ZNF160: variants seen among roughly 807,000 people sequenced by gnomAD.
The protein encoded by ZNF160 is KRAB zinc finger protein KR18.
In ZNF160, 9 loss-of-function variants were observed where a neutral mutation model predicts 13.1. The observed-to-expected ratio is 0.69, with a 90% CI of 0.41 to 1.20. The LOEUF (loss-of-function observed/expected upper bound fraction) is 1.20. Ranked by LOEUF, ZNF160 falls within the 50% of genes most tolerant of loss-of-function variation. The pLI is 0.01. For synonymous variants in ZNF160, 293 were observed against 333.2 expected (o/e 0.88, Z 1.31); for missense variants, 838 against 988.0 (o/e 0.85, Z 2.04).
At chr19:53,075,518 C>T (rs186111969) in intron 3 of ZNF160, 18 of 354,782 alleles carry the variant, frequency 5.1e-5, no homozygotes, top group Non-Finnish European at 7.6e-5. Context: ...TAGACTAAGC[C>T]TCTGTCCTCT....
intron 3 of ZNF160, among the ~76,000 whole-genome samples, chr19:53,082,952 C>A (rs2084689309): frequency 6.6e-6 from 1 of 152,064 alleles, no homozygotes; most frequent in South Asian, 2.1e-4. Context: ...ATTTGCTAGA[C>A]CTCACAGACC....
rs1006369778 is a variant in ZNF160, at chr19:53,069,850, T to C, written c.684A>G (p.Gln228=). ...SPLQQIPSSV[Q]THRSKKYHEL... ...CATGATATTTTTTAGACCTGTGGGT[T>C]TGGACACTAGAAGGAATTTGTTGAA... The change falls in exon 6 of 6, where the codon CAA becomes CAG. Residue 228 remains glutamine, a synonymous_variant. Coordinates refer to ENST00000683776, the MANE Select transcript of ZNF160 (RefSeq NM_001322131.2). The surrounding 1 kb of genome is among the most constrained non-coding windows in gnomAD (Gnocchi z 4.4). The C allele has an allele frequency of 6.2e-7, 1 of 1,614,148 alleles. No homozygotes were observed. The highest frequency in any genetic ancestry group is 1.3e-5 in the African/African-American group (1 of 75,052).
intron 3 of ZNF160, among the ~76,000 whole-genome samples, chr19:53,082,181 A>G (rs2084658694): frequency 6.6e-6 from 1 of 152,182 alleles, no homozygotes; most frequent in Non-Finnish European, 1.5e-5. Context: ...TACTTGGGTG[A>G]TGGGATCTTT....
At chr19:53,077,198 A>G (rs1450399003) in intron 3 of ZNF160, 1 of 152,202 alleles carries the variant, frequency 6.6e-6, no homozygotes, top group Non-Finnish European at 1.5e-5. Context: ...AAACTGGCAC[A>G]AGCTCTTTAG....
intron 3 of ZNF160, chr19:53,085,079 C>A: frequency 1.2e-6 from 1 of 820,850 alleles, no homozygotes; most frequent in Non-Finnish European, 1.5e-6. Context: ...TTGGCTTCCA[C>A]AAGTGCTGGG....
chr19:53,075,599 G>C (rs2145587388), intron 3 of ZNF160: 1 of 366,256 alleles, frequency 2.7e-6, no homozygotes, highest in East Asian at 7.4e-5. Context: ...CTCCATAATG[G>C]GGCCTCCATG....
At chr19:53,074,709 C>G (rs1240732859) in intron 4 of ZNF160, among the ~76,000 whole-genome samples, 1 of 150,616 alleles carries the variant, frequency 6.6e-6, no homozygotes, top group Non-Finnish European at 1.5e-5. Context: ...ATGCCTCCTT[C>G]TGAATACCCA....
intron 3 of ZNF160, among the ~76,000 whole-genome samples, chr19:53,082,570 TA>T (rs2084673856): frequency 6.6e-6 from 1 of 152,120 alleles, no homozygotes; most frequent in African/African-American, 2.4e-5. Flanking sequence ...CTCCAGAGGC[TA>T]AGGTGGGAGG....
At chr19:53,077,990 C>G (rs1441068903) in intron 3 of ZNF160, among the ~76,000 whole-genome samples, 2 of 152,116 alleles carry the variant, frequency 1.3e-5, no homozygotes, top group Non-Finnish European at 2.9e-5. Context: ...GCCTGTAATC[C>G]CAGCACTTTG....
chr19:53,097,348 C>T (rs1262375436), intron 1 of ZNF160, among the ~76,000 whole-genome samples: 1 of 149,402 alleles, frequency 6.7e-6, no homozygotes, highest in South Asian at 2.2e-4. Flanking sequence ...CCACAACAAA[C>T]CCTCCCTAAT....
intron 1 of ZNF160, among the ~76,000 whole-genome samples, chr19:53,098,178 C>T (rs1207824306): frequency 6.6e-6 from 1 of 152,202 alleles, no homozygotes; most frequent in African/African-American, 2.4e-5. Flanking sequence ...TACAGCCAGA[C>T]CTGAGACTTC....
chr19:53,098,288 C>T (rs528572922), intron 1 of ZNF160, among the ~76,000 whole-genome samples: 8 of 152,286 alleles, frequency 5.3e-5, no homozygotes, highest in Admixed American at 4.6e-4. Context: ...ATTGCTTCCA[C>T]GCCTCACTCC....
chr19:53,092,937 T>C (rs2085089399), intron 1 of ZNF160, among the ~76,000 whole-genome samples: 1 of 152,188 alleles, frequency 6.6e-6, no homozygotes, highest in Admixed American at 6.5e-5. Context: ...TAAGTACCTA[T>C]GTTGACAAGA....
At chr19:53,080,842 A>C (rs184344917) in intron 3 of ZNF160, among the ~76,000 whole-genome samples, 211 of 152,354 alleles carry the variant, frequency 1.4e-3, no homozygotes, top group Non-Finnish European at 2.5e-3. Context: ...TACAGTAAAC[A>C]AAACAGCATG....
At position 53,069,905 on chromosome 19, in the gene ZNF160, G is replaced by A; in HGVS notation, c.629C>T (p.Ser210Phe). 6.2e-7 allele frequency: 1 copy of A among 1,614,128 alleles called. No individual in the cohort carries two copies. The highest frequency in any genetic ancestry group is 1.3e-5 in the African/African-American group (1 of 75,064). The change falls in exon 6 of 6, where the codon TCT becomes TTT. Residue 210 changes from serine (S) to phenylalanine (F), a missense_variant. By Grantham distance (155) the Ser-to-Phe change is radical. This residue lies in a region of ZNF160 where 387 missense variants were observed against 402.3 expected (regional missense o/e 0.96). Coordinates refer to ENST00000683776, the MANE Select transcript of ZNF160 (RefSeq NM_001322131.2). This position sits in a 1 kb window ranked among gnomAD's most constrained non-coding sequence, Gnocchi z 4.4. ...TGACACTGAGGAACCATTGTTGGTA[G>A]ACTTCTCAACTTGATTACATTCATA... Reference protein sequence around the residue: ...KMYECNQVEKSTNNGSSVSPL... With the variant: ...KMYECNQVEKFTNNGSSVSPL...
intron 2 of ZNF160, among the ~76,000 whole-genome samples, chr19:53,089,379 T>C (rs1001636211): frequency 1.3e-5 from 2 of 152,208 alleles, no homozygotes; most frequent in Non-Finnish European, 2.9e-5. Context: ...CACTATTACA[T>C]TGACTGTACA....
Position 53,091,546 on chromosome 19 carries a change from G to C in ZNF160, c.-179C>G, listed in dbSNP as rs1220074928. On this transcript the variant is annotated 5_prime_UTR_variant, in exon 2 of 6. Transcript: ENST00000683776. ...GGGAGGTGCCTGAGGGATGAAGTGG[G>C]CGGGGGACTTGGGGAAAGGGGGCGG... 1 of 152,224 alleles carries C rather than the reference G, an allele frequency of 6.6e-6. No homozygotes were observed. The highest frequency in any genetic ancestry group is 1.5e-5 in the Non-Finnish European group (1 of 68,116). The allele number at this position is 152,224 out of a possible 1,614,324, so 9.4% of individuals were successfully genotyped here.
At chr19:53,076,110 C>T (rs1051934852) in intron 3 of ZNF160, 25 of 209,234 alleles carry the variant, frequency 1.2e-4, no homozygotes, top group African/African-American at 3.5e-4. Context: ...TATTTTCCTA[C>T]GCATTAAGGA....
chr19:53,068,792 G>T lies in ZNF160; in HGVS notation c.1742C>A (p.Ala581Glu). ...GKVFAQTSQLARHWRVHTGEK... is the reference protein window; with the variant it reads ...GKVFAQTSQLERHWRVHTGEK... ...TCCAGTATGAACTCTCCAATGCCTT[G>T]CAAGTTGTGATGTTTGAGCGAAGAC... The change falls in exon 6 of 6, where the codon GCA becomes GAA. Residue 581 changes from alanine to glutamate, a missense_variant. Transcript: ENST00000683776. 1 of 1,612,696 alleles carries T rather than the reference G, an allele frequency of 6.2e-7. No individual in the cohort carries two copies.
Sources: allele counts gnomAD v4.1 joint callset (sites outside exome capture counted in the v4.1 genomes callset), GRCh38; gene constraint gnomAD v4.1.1; regional missense constraint gnomAD v4.1.1; non-coding constraint Gnocchi (gnomAD v3.1); transcripts MANE v1.5; gene names NCBI Gene and HGNC (gene_info 2026-07-23, HGNC 2026-07-21).